Variants in NAT8L observed in about 807,000 individuals in gnomAD.
NAT8L encodes the protein aspartate N-acetyltransferase.
Under a neutral mutation model 21.2 loss-of-function variants are expected in NAT8L, and 6 were observed. That is an observed-to-expected ratio of 0.28 (90% CI 0.16 to 0.56). The LOEUF is 0.56. Ranked by LOEUF, NAT8L falls within the 20% of genes least tolerant of loss-of-function variation. The pLI, the probability that NAT8L is intolerant of heterozygous loss-of-function variation, is 0.93. For missense variants in NAT8L, 331 were observed against 433.3 expected (o/e 0.76, Z 2.10); for synonymous variants, 239 against 204.9 (o/e 1.17, Z -1.42).
chr4:2,066,632 T>C lies in NAT8L; in HGVS notation c.*2505T>C, dbSNP rs1730005779. 6.6e-6 allele frequency: 1 copy of C among 152,298 alleles called. No individual in the cohort carries two copies. The highest frequency in any genetic ancestry group is 1.5e-5 in the Non-Finnish European group (1 of 68,076). 9.4% of individuals were successfully genotyped at this position (152,298 alleles called of 1,614,324 possible). On this transcript the variant is annotated 3_prime_UTR_variant, in exon 3 of 3. Transcript: ENST00000423729. ...CACATGTGCACTGACGTGAATTTTA[T>C]ACGTTTGTAGAAACTCTGATGTAAC...
rs1729823931 is a variant in NAT8L at position 2,060,100 on chromosome 4, C to T, written c.376+213C>T. 6.6e-6 allele frequency among the ~76,000 whole-genome samples: 1 copy of T among 151,884 alleles called. No individual in the cohort carries two copies. The highest frequency in any genetic ancestry group is 2.4e-5 in the African/African-American group (1 of 41,404). On this transcript the variant is annotated intron_variant, in intron 1 of 2. Coordinates refer to ENST00000423729, the MANE Select transcript of NAT8L (RefSeq NM_178557.4). The surrounding 1 kb of genome is among the most constrained non-coding windows in gnomAD (Gnocchi z 4.7). ...GCCGGAGCCGGGGAGGGTCCGGGGT[C>T]CGCACCTGCGTCCCCGCCGCGCAGC...
At chr4:2,062,405 C>T (rs1171442655) in intron 2 of NAT8L, among the ~76,000 whole-genome samples, 3 of 151,950 alleles carry the variant, frequency 2.0e-5, no homozygotes, top group African/African-American at 7.3e-5. Context: ...GGTGGGCAGG[C>T]CAGCTGGTGG....
At position 2,063,766 on chromosome 4, in the gene NAT8L, G is replaced by C; in HGVS notation, c.548G>C (p.Cys183Ser). 1.2e-6 allele frequency: 2 copies of C among 1,611,370 alleles called. No individual in the cohort carries two copies. Among genetic ancestry groups the C allele is most frequent in the Non-Finnish European group, 1.7e-6 (2 of 1,179,874 alleles). The part of the protein sequence containing the change: ...EQYYMKPPGS[C>S]FWVAVLDGNV... The stretch of plus-strand genomic sequence containing the variant: ...ACCGCCCTATCCCCTGCAGGCTCCT[G>C]CTTCTGGGTGGCCGTGCTGGATGGC... The change falls in exon 3 of 3, where the codon TGC becomes TCC. Residue 183 changes from cysteine (C) to serine (S), a missense_variant. Coordinates refer to ENST00000423729, the MANE Select transcript of NAT8L (RefSeq NM_178557.4).
chr4:2,061,331 G>A (rs1377692872), intron 2 of NAT8L, among the ~76,000 whole-genome samples, 169 bp downstream of exon 2: 2 of 152,260 alleles, frequency 1.3e-5, no homozygotes, highest in East Asian at 3.9e-4. Flanking sequence ...TGTCAGCGGG[G>A]CTGGGGGAGG....
intron 2 of NAT8L, among the ~76,000 whole-genome samples, chr4:2,061,961 C>T (rs960491468): frequency 6.6e-6 from 1 of 152,188 alleles, no homozygotes; most frequent in Admixed American, 6.5e-5. Flanking sequence ...GCTCCACCCC[C>T]GCGCCACGGC....
Position 2,063,778 on chromosome 4 carries a change from C to A in NAT8L, c.560C>A (p.Ala187Asp), listed in dbSNP as rs1162353742. The change falls in exon 3 of 3, where the codon GCC becomes GAC. Residue 187 changes from alanine to aspartate, a missense_variant. By Grantham distance (126) the Ala-to-Asp change is moderately radical. Transcript: ENST00000423729. Reference sequence around the variant, plus strand: ...CCTGCAGGCTCCTGCTTCTGGGTGGCCGTGCTGGATGGCAACGTGGTGGGC... The same window carrying A: ...CCTGCAGGCTCCTGCTTCTGGGTGGACGTGCTGGATGGCAACGTGGTGGGC... ...MKPPGSCFWV[A>D]VLDGNVVGIV... The A allele has an allele frequency of 6.2e-7, 1 of 1,611,714 alleles. No homozygotes were observed. The highest frequency in any genetic ancestry group is 1.3e-5 in the African/African-American group (1 of 74,940).
At position 2,061,883 on chromosome 4, in the gene NAT8L, G is replaced by T. The variant is rs1287175985; in HGVS notation, c.541+721G>T. 3.9e-5 allele frequency among the ~76,000 whole-genome samples: 6 copies of T among 152,274 alleles called. No homozygotes were observed. The East Asian group carries it at 9.7e-4, about 25-fold the overall frequency. Reference sequence around the variant, plus strand: ...GGGACAGAGTGTGGCCCAAAGGGTTGGGCAGGGTCTGTCAGGAGCCCGGTC... The same window carrying T: ...GGGACAGAGTGTGGCCCAAAGGGTTTGGCAGGGTCTGTCAGGAGCCCGGTC... On this transcript the variant is annotated intron_variant, in intron 2 of 2. Transcript: ENST00000423729.
chr4:2,062,441 C>T (rs1729911430), intron 2 of NAT8L, among the ~76,000 whole-genome samples: 1 of 151,854 alleles, frequency 6.6e-6, no homozygotes, highest in Admixed American at 6.6e-5. Flanking sequence ...AGGATCCCCT[C>T]CTTGGAGGTA....
At position 2,068,605 on chromosome 4, in the gene NAT8L, A is replaced by G. The variant is rs896853496; in HGVS notation, c.*4478A>G. ...GTATGGATGCATATGTGAGCTGTACATGTAGAGTGTACATGTGTGTTGCAT... is the reference window on the plus strand; with the variant it reads ...GTATGGATGCATATGTGAGCTGTACGTGTAGAGTGTACATGTGTGTTGCAT... On this transcript the variant is annotated 3_prime_UTR_variant, in exon 3 of 3. Transcript: ENST00000423729. The G allele has an allele frequency of 6.6e-6, 1 of 152,182 alleles. No homozygotes were observed. Among genetic ancestry groups the G allele is most frequent in the African/African-American group, 2.4e-5 (1 of 41,414 alleles). 9.4% of individuals were successfully genotyped at this position (152,182 alleles called of 1,614,324 possible).
intron 2 of NAT8L, among the ~76,000 whole-genome samples, chr4:2,062,069 G>A (rs763187426): frequency 2.6e-5 from 4 of 152,192 alleles, no homozygotes; most frequent in East Asian, 3.9e-4. Context: ...GAGGGGAAAC[G>A]GGCCATGAGG....
Position 2,059,659 on chromosome 4 carries a change from GC to G in NAT8L, c.150del (p.Ala51ArgfsTer81), listed in dbSNP as rs1729813175. The G allele has an allele frequency of 1.0e-6, 1 of 972,884 alleles. No individual in the cohort carries two copies. The highest frequency in any genetic ancestry group is 1.8e-5 in the African/African-American group (1 of 56,096). 60.3% of individuals were successfully genotyped at this position (972,884 alleles called of 1,614,324 possible). A position where few individuals can be genotyped will look rare whatever the true frequency, so the allele number is the denominator to read the frequency against. ...PPLPAAPGPA[A>X]APPAPPPAPV... is the part of the protein sequence containing the mutation. Reference sequence around the variant, plus strand: ...GCTGCCCGCCGCGCCCGGGCCGGCCGCCGCGCCCCCCGCGCCCCCACCTGCC... The same window carrying G: ...GCTGCCCGCCGCGCCCGGGCCGGCCGCGCGCCCCCCGCGCCCCCACCTGCC... On this transcript the variant is annotated frameshift_variant, in exon 1 of 3. Coordinates refer to ENST00000423729, the MANE Select transcript of NAT8L (RefSeq NM_178557.4). LOFTEE classifies it high-confidence loss of function. The surrounding 1 kb of genome is among the most constrained non-coding windows in gnomAD (Gnocchi z 4.8).
rs552172855 is a variant in NAT8L at position 2,063,920 on chromosome 4, G to A, written c.702G>A (p.Glu234=). 2.5e-6 allele frequency: 4 copies of A among 1,612,212 alleles called. No homozygotes were observed. Among genetic ancestry groups the A allele is most frequent in the East Asian group, 2.2e-5 (1 of 44,884 alleles). ...AGGCGCTGGGCCGGAAGGTGCTGGA[G>A]TTCGCCGTGGTGCACAACTACTCCG... ...IAKALGRKVL[E]FAVVHNYSAV... The change falls in exon 3 of 3, where the codon GAG becomes GAA. Residue 234 remains glutamate (E), a synonymous_variant. Coordinates refer to ENST00000423729, the MANE Select transcript of NAT8L (RefSeq NM_178557.4).
rs1424083661 is a variant in NAT8L, at chr4:2,059,582, C to T, written c.71C>T (p.Pro24Leu). 2 of 990,320 alleles carry T rather than the reference C, an allele frequency of 2.0e-6. No homozygotes were observed. Among genetic ancestry groups the T allele is most frequent in the Non-Finnish European group, 2.4e-6 (2 of 832,856 alleles). 61.3% of individuals were successfully genotyped at this position (990,320 alleles called of 1,614,324 possible). The change falls in exon 1 of 3, where the codon CCG (proline) becomes CTG (leucine). Residue 24 changes from proline to leucine, a missense_variant. Transcript: ENST00000423729. This position sits in a 1 kb window ranked among gnomAD's most constrained non-coding sequence, Gnocchi z 4.8. ...IVAAEDHEAL[P>L]GAKKDALLAA... ...GCCGCCGAGGACCATGAGGCGCTGCCGGGGGCCAAGAAGGACGCGCTGCTC... is the reference window on the plus strand; with the variant it reads ...GCCGCCGAGGACCATGAGGCGCTGCTGGGGGCCAAGAAGGACGCGCTGCTC...
intron 2 of NAT8L, among the ~76,000 whole-genome samples, chr4:2,062,636 CCTT>C (rs1346451760): frequency 6.6e-6 from 1 of 152,090 alleles, no homozygotes; most frequent in African/African-American, 2.4e-5. Context: ...CGCTGCTTCT[CCTT>C]GAAGGGCCTT....
At position 2,064,132 on chromosome 4, in the gene NAT8L, C is replaced by T. The variant is rs556119507; in HGVS notation, c.*5C>T. ...CTGCAGCTGCGCGAGGAGTGACCGC[C>T]GCCGCTCGCCCGCCCGCCCCCCCGG... On this transcript the variant is annotated 3_prime_UTR_variant, in exon 3 of 3. Coordinates refer to ENST00000423729, the MANE Select transcript of NAT8L (RefSeq NM_178557.4). 68 of 1,544,314 alleles carry T rather than the reference C, an allele frequency of 4.4e-5. No individual in the cohort carries two copies. Among genetic ancestry groups the T allele is most frequent in the African/African-American group, 6.8e-5 (5 of 73,106 alleles).
Position 2,061,190 on chromosome 4 carries a change from C to T in NAT8L, c.541+28C>T, listed in dbSNP as rs778752639. On this transcript the variant is annotated intron_variant, in intron 2 of 2. Coordinates refer to ENST00000423729, the MANE Select transcript of NAT8L (RefSeq NM_178557.4). ...GAGTCCCGCTCCCGCCGCTCCCCGACCTCCGCCCCAGACAGCCCTCGGGGG... is the reference window on the plus strand; with the variant it reads ...GAGTCCCGCTCCCGCCGCTCCCCGATCTCCGCCCCAGACAGCCCTCGGGGG... The T allele has an allele frequency of 1.4e-5, 23 of 1,609,854 alleles. No homozygotes were observed. The South Asian group carries it at 2.1e-4, about 15-fold the overall frequency.
rs1278910766 is a variant in NAT8L at position 2,060,964 on chromosome 4, C to T, written c.377-34C>T. On this transcript the variant is annotated intron_variant, in intron 1 of 2. Transcript: ENST00000423729. This position sits in a 1 kb window ranked among gnomAD's most constrained non-coding sequence, Gnocchi z 4.7. ...GGCGTCTCTGGGGCCTGGGGACCCC[C>T]GCCGCGCCGCTGACCCGCGCCCTCT... 5.3e-6 allele frequency: 7 copies of T among 1,324,350 alleles called. No individual in the cohort carries two copies. The East Asian group carries it at 8.2e-5, about 16-fold the overall frequency. The allele number at this position is 1,324,350 out of a possible 1,614,324, so 82.0% of individuals were successfully genotyped here.
intron 2 of NAT8L, 111 bp downstream of exon 2, chr4:2,061,273 A>AGCCCAC: frequency 6.6e-7 from 1 of 1,524,436 alleles, no homozygotes; most frequent in Non-Finnish European, 8.8e-7. Context: ...GGTGGGCCTG[A>AGCCCAC]GCCGGGGCCC....
Position 2,061,816 on chromosome 4 carries a change from G to T in NAT8L, c.541+654G>T, listed in dbSNP as rs115279740. On this transcript the variant is annotated intron_variant, in intron 2 of 2. Coordinates refer to ENST00000423729, the MANE Select transcript of NAT8L (RefSeq NM_178557.4). ...GGTGAAGACTCTGCTCTCTGGGGTGGGAGGCTCTCTGCGATCCTGGAGCGT... is the reference window on the plus strand; with the variant it reads ...GGTGAAGACTCTGCTCTCTGGGGTGTGAGGCTCTCTGCGATCCTGGAGCGT... Among the ~76,000 whole-genome samples, 386 of 152,256 alleles carry T rather than the reference G, an allele frequency of 2.5e-3. 1 individual carries two copies. Among genetic ancestry groups the T allele is most frequent in the African/African-American group, 8.7e-3 (363 of 41,538 alleles).
Sources: gnomAD v4.1 joint callset for allele counts (sites outside exome capture counted in the v4.1 genomes callset) on GRCh38, gnomAD v4.1.1 for gene constraint, Gnocchi (gnomAD v3.1) non-coding constraint, MANE v1.5 for transcripts, NCBI Gene and HGNC (gene_info 2026-07-23, HGNC 2026-07-21) for gene names.